Variants in RBFOX1 observed in about 807,000 individuals in gnomAD.
The protein encoded by RBFOX1 is RNA binding fox-1 homolog 1, also known as RNA binding protein fox-1 homolog 1.
RBFOX1 carries 8 observed loss-of-function variants against 57.7 expected under a neutral mutation model. The observed-to-expected ratio is 0.14, with a 90% CI of 0.08 to 0.25. The LOEUF (loss-of-function observed/expected upper bound fraction) is 0.25, where lower values mean the gene tolerates loss of function less well. RBFOX1 is among the 10% of genes least tolerant of loss of function. The pLI, the probability that RBFOX1 is intolerant of heterozygous loss-of-function variation, is 1.00. For synonymous variants in RBFOX1, 326 were observed against 222.4 expected, an observed-to-expected ratio of 1.47 and a Z score of -4.15; for missense variants, 611 against 548.5, an observed-to-expected ratio of 1.11 and a Z score of -1.14.
intron 4 of RBFOX1, among the ~76,000 whole-genome samples, chr16:7,201,268 T>A (rs73539630): frequency 6.6e-6 from 1 of 151,996 alleles, no homozygotes; most frequent in Admixed American, 6.5e-5. Flanking sequence ...CAACACAGCA[T>A]AGCAGAGAAA....
chr16:6,483,278 T>G, intron 2 of RBFOX1: 2 of 1,355,180 alleles, frequency 1.5e-6, no homozygotes, highest in East Asian at 3.0e-5. Context: ...GTTGATTGCC[T>G]CCTTGCACGG....
intron 3 of RBFOX1, among the ~76,000 whole-genome samples, chr16:5,803,271 C>T (rs2055117196): frequency 6.6e-6 from 1 of 152,158 alleles, no homozygotes; most frequent in African/African-American, 2.4e-5. Flanking sequence ...TGGTTCGTCT[C>T]TGACAAACAC....
chr16:7,282,576 A>G (rs992580070), intron 4 of RBFOX1, among the ~76,000 whole-genome samples: 2 of 148,660 alleles, frequency 1.3e-5, no homozygotes, highest in Non-Finnish European at 3.0e-5. Flanking sequence ...TTTTCCTGTT[A>G]TCGTTCTTTT....
In RBFOX1 at chr16:7,599,996, G is replaced by A. The variant is rs188524209; in HGVS notation, c.622+2565G>A. Among the ~76,000 whole-genome samples the A allele has an allele frequency of 3.4e-4, 52 of 152,106 alleles. No individual in the cohort carries two copies. The East Asian group carries it at 5.0e-3, about 15-fold the overall frequency. On this transcript the variant is annotated intron_variant, in intron 9 of 15. Coordinates refer to ENST00000550418, the MANE Select transcript of RBFOX1 (RefSeq NM_018723.4). ...TTGTGACCATGCCTGTGTGTATCAG[G>A]CATCGCTTTCCCTTTGTCTTCTTGT...
intron 4 of RBFOX1, among the ~76,000 whole-genome samples, chr16:7,419,092 G>A (rs1371896047): frequency 6.6e-6 from 1 of 152,016 alleles, no homozygotes; most frequent in Non-Finnish European, 1.5e-5. Flanking sequence ...ATTTTTACTA[G>A]AGACAGGGTT....
chr16:5,726,110 G>T (rs1242043669), intron 3 of RBFOX1, among the ~76,000 whole-genome samples: 3 of 150,698 alleles, frequency 2.0e-5, no homozygotes, highest in Non-Finnish European at 3.0e-5. Flanking sequence ...TTTTTCTTTG[G>T]GTAGAATGGG....
intron 1 of RBFOX1, among the ~76,000 whole-genome samples, chr16:5,410,986 G>C (rs1417668375): frequency 6.6e-6 from 1 of 152,176 alleles, no homozygotes; most frequent in Non-Finnish European, 1.5e-5. Flanking sequence ...AGATTAGGCG[G>C]GCCAACACAA....
chr16:6,433,540 G>A (rs1370920736), intron 2 of RBFOX1, among the ~76,000 whole-genome samples: 3 of 152,112 alleles, frequency 2.0e-5, no homozygotes, highest in Non-Finnish European at 4.4e-5. Flanking sequence ...GTTTCTCATT[G>A]GTGCTGTAAC....
intron 3 of RBFOX1, among the ~76,000 whole-genome samples, chr16:5,847,625 T>G (rs749394470): frequency 2.0e-5 from 3 of 152,206 alleles, no homozygotes; most frequent in Non-Finnish European, 2.9e-5. Context: ...TTCATTAGTT[T>G]GTTCTTTCTG....
chr16:6,266,713 A>T (rs1459389124), intron 1 of RBFOX1, among the ~76,000 whole-genome samples: 3 of 136,748 alleles, frequency 2.2e-5, no homozygotes, highest in African/African-American at 2.9e-5. Flanking sequence ...GACTCTGTCT[A>T]AAAAAAAAAA....
chr16:6,596,722 G>C (rs1047423665), intron 2 of RBFOX1, among the ~76,000 whole-genome samples: 4 of 152,294 alleles, frequency 2.6e-5, no homozygotes, highest in African/African-American at 9.6e-5. Context: ...TGAACTGTAA[G>C]TCTTAGCTGG....
chr16:6,534,257 ATG>A lies in RBFOX1; in HGVS notation c.-63-120325_-63-120324del, dbSNP rs143116379. Among the ~76,000 whole-genome samples, 276 of 149,000 alleles carry A rather than the reference ATG, an allele frequency of 1.9e-3. 1 individual carries two copies. The highest frequency in any genetic ancestry group is 3.4e-3 in the Middle Eastern group (1 of 292). ...ATTGCTGACAAGGACATCAGTGTGT[ATG>A]TGTGTGTGTGTGTGTGTGTGCATAT... is the stretch of plus-strand genomic sequence containing the variant. On this transcript the variant is annotated intron_variant, in intron 2 of 15. Transcript: ENST00000550418.
At chr16:7,702,127 A>G (rs2080934798) in intron 14 of RBFOX1, among the ~76,000 whole-genome samples, 1 of 152,310 alleles carries the variant, frequency 6.6e-6, no homozygotes, top group African/African-American at 2.4e-5. Context: ...ATGGATGCGC[A>G]CTGGGATTAG....
intron 3 of RBFOX1, among the ~76,000 whole-genome samples, chr16:5,798,188 A>G (rs1356437163): frequency 6.6e-6 from 1 of 152,232 alleles, no homozygotes; most frequent in African/African-American, 2.4e-5. Flanking sequence ...CATGGAAATG[A>G]TATGTGTAAA....
rs967767955 is a variant in RBFOX1, at chr16:6,093,298, G to A, written c.-127+73306G>A. 2.6e-5 allele frequency among the ~76,000 whole-genome samples: 4 copies of A among 152,246 alleles called. No homozygotes were observed. The East Asian group carries it at 7.7e-4, about 29-fold the overall frequency. On this transcript the variant is annotated intron_variant, in intron 1 of 15. Transcript: ENST00000550418. ...GCAATTGATTTTAAATCATAGCCAG[G>A]TGCAGTGGCTCGCACCTGTAGGCAC...
chr16:6,793,433 T>C (rs1437597357), intron 3 of RBFOX1, among the ~76,000 whole-genome samples: 1 of 152,174 alleles, frequency 6.6e-6, no homozygotes, highest in Non-Finnish European at 1.5e-5. Flanking sequence ...TAATACAGAA[T>C]TCTCTGAGAG....
intron 1 of RBFOX1, among the ~76,000 whole-genome samples, chr16:5,411,393 A>C (rs538277645): frequency 6.6e-6 from 1 of 152,174 alleles, no homozygotes; most frequent in South Asian, 2.1e-4. Flanking sequence ...GGAAGGGGCC[A>C]TGAGCCAAGG....
At chr16:7,220,759 A>G (rs114007206) in intron 4 of RBFOX1, among the ~76,000 whole-genome samples, 3 of 152,250 alleles carry the variant, frequency 2.0e-5, no homozygotes, top group Admixed American at 6.5e-5. Context: ...CCAGGCCCAC[A>G]TCTGACCTAT....
At chr16:6,828,952 T>A (rs118030313) in intron 3 of RBFOX1, among the ~76,000 whole-genome samples, 8,023 of 151,974 alleles carry the variant, frequency 0.053, 287 homozygotes, top group Non-Finnish European at 0.081. Context: ...ACACTCCCCC[T>A]TTCTTGAGTG....
Sources: gnomAD v4.1 joint callset for allele counts (sites outside exome capture counted in the v4.1 genomes callset) on GRCh38, gnomAD v4.1.1 for gene constraint, MANE v1.5 for transcripts, NCBI Gene and HGNC (gene_info 2026-07-23, HGNC 2026-07-21) for gene names.